Variants in CAMTA1 observed in about 807,000 individuals in gnomAD.
CAMTA1 encodes the protein calmodulin-binding transcription activator 1.
A neutral mutation model predicts 170.9 loss-of-function variants in CAMTA1; 27 were observed. The observed-to-expected ratio is 0.16, with a 90% CI of 0.12 to 0.22. The LOEUF is 0.22. Among genes scored for constraint, CAMTA1 ranks in the 10% least tolerant of loss-of-function variants. CAMTA1 has a pLI of 1.00. For synonymous variants in CAMTA1, 833 were observed against 891.5 expected (o/e 0.93, Z 1.17); for missense variants, 1,619 against 2,217.2 (o/e 0.73, Z 5.42).
intron 3 of CAMTA1, among the ~76,000 whole-genome samples, chr1:6,826,767 A>G (rs1242582878): frequency 6.6e-6 from 1 of 152,166 alleles, no homozygotes; most frequent in African/African-American, 2.4e-5. Context: ...ATGATTTGAC[A>G]TTATATTTGA....
intron 5 of CAMTA1, among the ~76,000 whole-genome samples, chr1:7,291,664 A>G (rs533262656): frequency 6.6e-6 from 1 of 152,340 alleles, no homozygotes; most frequent in Non-Finnish European, 1.5e-5. Context: ...TTAAGCCTTC[A>G]CATTTCTTTT....
intron 3 of CAMTA1, among the ~76,000 whole-genome samples, chr1:7,070,885 T>G (rs1483748231): frequency 1.3e-5 from 2 of 152,206 alleles, no homozygotes; most frequent in Non-Finnish European, 2.9e-5. Flanking sequence ...GGAAAGCAGA[T>G]GTGCTTTTTC....
intron 3 of CAMTA1, among the ~76,000 whole-genome samples, chr1:7,005,807 CT>C (rs1191783384): frequency 6.6e-6 from 1 of 152,198 alleles, no homozygotes; most frequent in Non-Finnish European, 1.5e-5. Flanking sequence ...GCTAGAGCTA[CT>C]TTGAGTCCTG....
intron 6 of CAMTA1, among the ~76,000 whole-genome samples, chr1:7,549,927 T>A (rs2094775457): frequency 6.6e-6 from 1 of 151,918 alleles, no homozygotes; most frequent in Admixed American, 6.6e-5. Context: ...GACCACAGCA[T>A]CTATAGAGAG....
intron 4 of CAMTA1, among the ~76,000 whole-genome samples, chr1:7,246,590 A>G (rs988931539): frequency 6.7e-6 from 1 of 149,850 alleles, no homozygotes; most frequent in African/African-American, 2.5e-5. Context: ...CCTGTGGTCT[A>G]GCCCACCTGT....
rs1014926724 is a variant in CAMTA1 at position 7,682,447 on chromosome 1, C to T, written c.2914+4714C>T. Among the ~76,000 whole-genome samples, 2 of 152,234 alleles carry T rather than the reference C, an allele frequency of 1.3e-5. No homozygotes were observed. The highest frequency in any genetic ancestry group is 6.5e-5 in the Admixed American group (1 of 15,284). The stretch of plus-strand genomic sequence containing the variant: ...TTGGTTTGGCCTTCTGATCCGTCCA[C>T]GCTCTCTGTGCTAACAGATGGAAGA... On this transcript the variant is annotated intron_variant, in intron 11 of 22. Coordinates refer to ENST00000303635, the MANE Select transcript of CAMTA1 (RefSeq NM_015215.4). This position sits in a 1 kb window ranked among gnomAD's most constrained non-coding sequence, Gnocchi z 5.0.
intron 3 of CAMTA1, among the ~76,000 whole-genome samples, chr1:6,964,503 G>A (rs958929120): frequency 6.6e-6 from 1 of 152,166 alleles, no homozygotes; most frequent in Non-Finnish European, 1.5e-5. Context: ...TGTTTCTTGG[G>A]TGGAAAAGCC....
chr1:7,738,905 C>T lies in CAMTA1; in HGVS notation c.4182+423C>T, dbSNP rs183955308. The stretch of plus-strand genomic sequence containing the variant: ...TTTGAATTATCTGAGTGACCTTGAT[C>T]GGCATAGCTATCATCTAGCCATTGT... On this transcript the variant is annotated intron_variant, in intron 16 of 22. Transcript: ENST00000303635. This position sits in a 1 kb window ranked among gnomAD's most constrained non-coding sequence, Gnocchi z 4.9. Among the ~76,000 whole-genome samples the T allele has an allele frequency of 5.3e-5, 8 of 152,278 alleles. No individual in the cohort carries two copies. The highest frequency in any genetic ancestry group is 1.9e-4 in the East Asian group (1 of 5,180).
intron 10 of CAMTA1, 76 bp from the exon 11 acceptor site, chr1:7,677,523 T>C (rs2096134409): frequency 6.6e-7 from 1 of 1,522,600 alleles, no homozygotes; most frequent in Non-Finnish European, 8.9e-7. Flanking sequence ...GGAGGGGACA[T>C]TCCAGGCCCT....
At chr1:7,724,342 C>T (rs2149812041) in intron 11 of CAMTA1, among the ~76,000 whole-genome samples, 1 of 152,244 alleles carries the variant, frequency 6.6e-6, no homozygotes, top group East Asian at 1.9e-4. Flanking sequence ...ACAAATGTGC[C>T]ATGGTTACAT....
intron 6 of CAMTA1, among the ~76,000 whole-genome samples, chr1:7,503,766 G>A (rs2094050364): frequency 6.6e-6 from 1 of 152,206 alleles, no homozygotes; most frequent in African/African-American, 2.4e-5. Context: ...CCTCCTGTTT[G>A]TGTGTAGCCT....
intron 3 of CAMTA1, among the ~76,000 whole-genome samples, chr1:6,906,336 C>G (rs1678469778): frequency 6.6e-6 from 1 of 152,132 alleles, no homozygotes; most frequent in African/African-American, 2.4e-5. Context: ...TTTGTTGTGA[C>G]TAGGCTACTG....
intron 5 of CAMTA1, among the ~76,000 whole-genome samples, chr1:7,409,901 T>C (rs1481638178): frequency 6.6e-6 from 1 of 152,146 alleles, no homozygotes; most frequent in Admixed American, 6.5e-5. Context: ...AGGGACCCTG[T>C]TGATGGGTGG....
intron 3 of CAMTA1, among the ~76,000 whole-genome samples, chr1:6,832,779 A>G (rs1209116901): frequency 6.6e-6 from 1 of 152,230 alleles, no homozygotes; most frequent in Non-Finnish European, 1.5e-5. Context: ...TTCTGATTAA[A>G]TTGCAAAAAT....
At chr1:7,275,478 A>C (rs999837047) in intron 5 of CAMTA1, among the ~76,000 whole-genome samples, 3 of 152,064 alleles carry the variant, frequency 2.0e-5, no homozygotes, top group Non-Finnish European at 4.4e-5. Context: ...ACAAAAAGCT[A>C]TCTCTCTTCA....
chr1:7,264,312 A>G (rs1174867341), intron 5 of CAMTA1, among the ~76,000 whole-genome samples: 2 of 152,236 alleles, frequency 1.3e-5, no homozygotes, highest in African/African-American at 2.4e-5. Context: ...AGTCAGTTGT[A>G]TTCTACAAAG....
intron 5 of CAMTA1, among the ~76,000 whole-genome samples, chr1:7,272,104 CA>C (rs1244583808): frequency 6.6e-6 from 1 of 151,940 alleles, no homozygotes; most frequent in Non-Finnish European, 1.5e-5. Flanking sequence ...GAGCAATAAA[CA>C]ATTTGAAAAT....
intron 5 of CAMTA1, among the ~76,000 whole-genome samples, chr1:7,412,837 A>G (rs1211658404): frequency 2.0e-5 from 3 of 152,156 alleles, no homozygotes; most frequent in East Asian, 1.9e-4. Flanking sequence ...GCCCATGCCT[A>G]TGTCCTGAAT....
At chr1:7,094,481 A>G (rs960360545) in intron 4 of CAMTA1, among the ~76,000 whole-genome samples, 1 of 152,252 alleles carries the variant, frequency 6.6e-6, no homozygotes, top group Non-Finnish European at 1.5e-5. Flanking sequence ...TCCTAATAAA[A>G]TGATACATTG....
Sources: gnomAD v4.1 joint callset for allele counts (sites outside exome capture counted in the v4.1 genomes callset) on GRCh38, gnomAD v4.1.1 for gene constraint, Gnocchi (gnomAD v3.1) non-coding constraint, MANE v1.5 for transcripts, NCBI Gene and HGNC (gene_info 2026-07-23, HGNC 2026-07-21) for gene names.